TPD52L2: variants seen among roughly 807,000 people sequenced by gnomAD.
TPD52L2 encodes TPD52 like 2, also known as tumor protein D54.
A neutral mutation model predicts 24.7 loss-of-function variants in TPD52L2; 19 were observed. The ratio of observed to expected loss-of-function variants is 0.77; its 90% confidence interval spans 0.54 to 1.13. TPD52L2 has a LOEUF of 1.13. TPD52L2 is among the 50% of genes most tolerant of loss of function. The pLI, the probability that TPD52L2 is intolerant of heterozygous loss-of-function variation, is 0.00. For missense variants in TPD52L2, 236 were observed against 250.4 expected (o/e 0.94, Z 0.39); for synonymous variants, 104 against 100.2 (o/e 1.04, Z -0.23).
intron 1 of TPD52L2, among the ~76,000 whole-genome samples, chr20:63,866,925 G>A (rs901447585): frequency 1.3e-5 from 2 of 151,086 alleles, no homozygotes; most frequent in African/African-American, 4.9e-5. Context: ...GACTACAGGC[G>A]CACCATGCCA....
In TPD52L2 at chr20:63,865,306, C is replaced by T; in HGVS notation, c.-60C>T. The T allele has an allele frequency of 5.4e-6, 8 of 1,494,456 alleles. No homozygotes were observed. In the South Asian group the frequency reaches 6.3e-5, roughly 12 times the overall value. The allele number at this position is 1,494,456 out of a possible 1,614,324, so 92.6% of individuals were successfully genotyped here. Reference sequence around the variant, plus strand: ...CTAGTGTGTACGCGGCGAGCTTCTCCCGGCGCCGCCCGCTCGGCTCCCATA... The same window carrying T: ...CTAGTGTGTACGCGGCGAGCTTCTCTCGGCGCCGCCCGCTCGGCTCCCATA... On this transcript the variant is annotated 5_prime_UTR_variant, in exon 1 of 7. Coordinates refer to ENST00000346249, the MANE Select transcript of TPD52L2 (RefSeq NM_003288.4).
intron 4 of TPD52L2, chr20:63,876,634 C>G (rs2052688225): frequency 2.6e-6 from 1 of 388,576 alleles, no homozygotes; most frequent in African/African-American, 2.1e-5. Context: ...TAATCGTTGC[C>G]ACAGAACATG....
In TPD52L2 at chr20:63,869,437, C is replaced by G; in HGVS notation, c.161C>G (p.Thr54Ser). 6.2e-7 allele frequency: 1 copy of G among 1,614,082 alleles called. No individual in the cohort carries two copies. Among genetic ancestry groups the G allele is most frequent in the Non-Finnish European group, 8.5e-7 (1 of 1,179,984 alleles). The change falls in exon 2 of 7, where the codon ACC (threonine) becomes AGC (serine). Residue 54 changes from threonine (T) to serine (S), a missense_variant. By Grantham distance (58) the Thr-to-Ser change is moderately conservative. Transcript: ENST00000346249. ...AEEEELRAEL[T>S]KVEEEIVTLR... ...GAGGAGGAGCTCAGGGCTGAGCTTA[C>G]CAAGGTGCTGTGGCTTGGCTGTCTG... is the stretch of plus-strand genomic sequence containing the variant.
intron 4 of TPD52L2, among the ~76,000 whole-genome samples, chr20:63,879,086 G>A (rs1212258842): frequency 1.3e-5 from 2 of 152,240 alleles, no homozygotes; most frequent in African/African-American, 4.8e-5. Context: ...CTGAGAAGGG[G>A]AAGGGAGAGG....
At chr20:63,866,969 T>G (rs2052270703) in intron 1 of TPD52L2, among the ~76,000 whole-genome samples, 2 of 151,660 alleles carry the variant, frequency 1.3e-5, no homozygotes, top group African/African-American at 2.4e-5. Flanking sequence ...TTTTTTTTTT[T>G]TGAGACGGAT....
At chr20:63,879,654 C>T (rs566785024) in intron 4 of TPD52L2, among the ~76,000 whole-genome samples, 10 of 148,728 alleles carry the variant, frequency 6.7e-5, no homozygotes, top group Non-Finnish European at 1.5e-4. Flanking sequence ...CCCATCCCCA[C>T]TCTTAGGGCA....
At chr20:63,876,904 T>C (rs1033576878) in intron 4 of TPD52L2, 1 of 455,450 alleles carries the variant, frequency 2.2e-6, no homozygotes, top group Non-Finnish European at 4.4e-6. Context: ...GTTCACGGCA[T>C]GTTGCCCTGG....
At chr20:63,866,291 G>A (rs6062557) in intron 1 of TPD52L2, among the ~76,000 whole-genome samples, 6,610 of 152,048 alleles carry the variant, frequency 0.043, 371 homozygotes, top group East Asian at 0.25. Context: ...TTTTAGTAGA[G>A]GCAGGGTTTC....
chr20:63,876,150 C>A (rs1379159173), intron 4 of TPD52L2, among the ~76,000 whole-genome samples: 1 of 152,192 alleles, frequency 6.6e-6, no homozygotes, highest in African/African-American at 2.4e-5. Flanking sequence ...CTGCACTGGT[C>A]CTGGCTGTAT....
intron 4 of TPD52L2, 60 bp downstream of exon 4, chr20:63,875,935 CG>C: frequency 6.5e-7 from 1 of 1,543,788 alleles, no homozygotes; most frequent in Non-Finnish European, 9.0e-7. Flanking sequence ...GACACTCAGT[CG>C]GGGAAGGGGG....
chr20:63,882,678 C>T (rs1015020154), intron 4 of TPD52L2, 41 bp from the exon 5 acceptor site: 12 of 1,542,036 alleles, frequency 7.8e-6, no homozygotes, highest in East Asian at 4.5e-5. Context: ...GGTGGTGACC[C>T]GCCCATGCTG....
intron 4 of TPD52L2, chr20:63,876,610 A>G (rs1568947840): frequency 8.2e-6 from 3 of 367,866 alleles, no homozygotes; most frequent in Admixed American, 3.7e-5. Context: ...TCTGTTATTT[A>G]GAAGGAAGCG....
chr20:63,875,867 G>C lies in TPD52L2; in HGVS notation c.366G>C (p.Gln122His), dbSNP rs751847113. 9 of 1,614,100 alleles carry C rather than the reference G, an allele frequency of 5.6e-6. No homozygotes were observed. The highest frequency in any genetic ancestry group is 7.6e-6 in the Non-Finnish European group (9 of 1,180,042). ...GAGAGTGGAATGAGAAAGTGACCCA[G>C]TCAGACCTGTGAGTGCCTGTATCAT... ...KLGEWNEKVTQSDLYKKTQET... is the reference protein window; with the variant it reads ...KLGEWNEKVTHSDLYKKTQET... The change falls in exon 4 of 7, where the codon CAG (glutamine) becomes CAC (histidine). Residue 122 changes from glutamine to histidine, a missense_variant. Physicochemically the swap from Gln to His is conservative, Grantham distance 24. Coordinates refer to ENST00000346249, the MANE Select transcript of TPD52L2 (RefSeq NM_003288.4).
chr20:63,873,393 G>T (rs2052539920), intron 2 of TPD52L2, among the ~76,000 whole-genome samples: 2 of 151,940 alleles, frequency 1.3e-5, no homozygotes, highest in Non-Finnish European at 2.9e-5. Context: ...GGAGGCTGAG[G>T]CAGGAGAATC....
At chr20:63,885,587 T>TCTCGTTCC (rs1398996086) in intron 5 of TPD52L2, among the ~76,000 whole-genome samples, 5 of 151,872 alleles carry the variant, frequency 3.3e-5, no homozygotes, top group Non-Finnish European at 7.4e-5. Context: ...CACGGGCCGC[T>TCTCGTTCC]CTCGTTCTGT....
chr20:63,877,027 T>C lies in TPD52L2; in HGVS notation c.374+1152T>C, dbSNP rs2052712139. The C allele has an allele frequency of 4.5e-6, 2 of 441,866 alleles. No homozygotes were observed. The highest frequency in any genetic ancestry group is 8.9e-6 in the Non-Finnish European group (2 of 223,494). 27.4% of individuals were successfully genotyped at this position (441,866 alleles called of 1,614,324 possible). On this transcript the variant is annotated intron_variant, in intron 4 of 6. Transcript: ENST00000346249. The surrounding 1 kb of genome is among the most constrained non-coding windows in gnomAD (Gnocchi z 4.1). Reference sequence around the variant, plus strand: ...CATGTTGCCCTGGGTTTTTTTTGTTTGTTTGGTTTTTTTTTTGAGACAACG... The same window carrying C: ...CATGTTGCCCTGGGTTTTTTTTGTTCGTTTGGTTTTTTTTTTGAGACAACG...
intron 5 of TPD52L2, chr20:63,887,725 C>T (rs1255064234): frequency 9.9e-7 from 1 of 1,012,070 alleles, no homozygotes; most frequent in Non-Finnish European, 1.5e-6. Flanking sequence ...GACTCCATTC[C>T]CTTGGCAACC....
chr20:63,888,833 G>C, intron 5 of TPD52L2: 1 of 322,666 alleles, frequency 3.1e-6, no homozygotes, highest in Non-Finnish European at 5.9e-6. Context: ...ACAGCAGAGA[G>C]GGGCCGACAG....
At chr20:63,873,077 A>G (rs1045168846) in intron 2 of TPD52L2, among the ~76,000 whole-genome samples, 7 of 135,474 alleles carry the variant, frequency 5.2e-5, no homozygotes, top group African/African-American at 1.9e-4. Flanking sequence ...TGGCATGGTC[A>G]TCCTGGGCCA....
Sources: gnomAD v4.1 joint callset for allele counts (sites outside exome capture counted in the v4.1 genomes callset) on GRCh38, gnomAD v4.1.1 for gene constraint, Gnocchi (gnomAD v3.1) non-coding constraint, MANE v1.5 for transcripts, NCBI Gene and HGNC (gene_info 2026-07-23, HGNC 2026-07-21) for gene names.